Variants in CDK19 observed in about 807,000 individuals in gnomAD.
CDK19 encodes cyclin-dependent kinase 19.
In CDK19, 20 loss-of-function variants were observed where a neutral mutation model predicts 68.3. The observed-to-expected ratio is 0.29, with a 90% CI of 0.21 to 0.43. CDK19 has a LOEUF of 0.43. Among genes scored for constraint, CDK19 ranks in the 20% least tolerant of loss-of-function variants. The pLI is 1.00. For missense variants in CDK19, 339 were observed against 623.5 expected (o/e 0.54, Z 4.86); for synonymous variants, 221 against 222.8 (o/e 0.99, Z 0.07).
chr6:110,652,604 CT>C (rs1468521385), intron 4 of CDK19, among the ~76,000 whole-genome samples: 1 of 152,032 alleles, frequency 6.6e-6, no homozygotes, highest in Non-Finnish European at 1.5e-5. Context: ...GCAAAAATTG[CT>C]TCATGTAAGA....
At chr6:110,651,367 A>G (rs1261888635) in intron 4 of CDK19, among the ~76,000 whole-genome samples, 1 of 152,172 alleles carries the variant, frequency 6.6e-6, no homozygotes, top group East Asian at 1.9e-4. Flanking sequence ...AGTACACTAA[A>G]TATTTCTCTA....
intron 1 of CDK19, among the ~76,000 whole-genome samples, chr6:110,775,143 G>A (rs968739836): frequency 2.0e-5 from 3 of 152,070 alleles, no homozygotes; most frequent in African/African-American, 4.8e-5. Context: ...TACTCGGGAG[G>A]CTGAGGCAGG....
At position 110,649,675 on chromosome 6, in the gene CDK19, T is replaced by TG. The variant is rs1780846509; in HGVS notation, c.457-10970dup. On this transcript the variant is annotated intron_variant, in intron 4 of 12. Transcript: ENST00000368911. ...TATGAAAAACAACAAAATAGAAAAA[T>TG]GGGCAAAATGTCTGAACGGGCATTT... Among the ~76,000 whole-genome samples the TG allele has an allele frequency of 2.6e-5, 4 of 151,826 alleles. No individual in the cohort carries two copies. In the South Asian group the frequency reaches 8.3e-4, roughly 31 times the overall value.
At chr6:110,717,306 T>G (rs907000747) in intron 2 of CDK19, among the ~76,000 whole-genome samples, 1 of 152,070 alleles carries the variant, frequency 6.6e-6, no homozygotes, top group Non-Finnish European at 1.5e-5. Context: ...TATATTTTGA[T>G]ATATATATCT....
At chr6:110,716,414 A>G (rs1775400733) in intron 2 of CDK19, among the ~76,000 whole-genome samples, 1 of 152,232 alleles carries the variant, frequency 6.6e-6, no homozygotes, top group Admixed American at 6.5e-5. Context: ...CTTTAATTGA[A>G]AAATTGTAAC....
chr6:110,719,505 C>CA (rs2114732189), intron 2 of CDK19, among the ~76,000 whole-genome samples: 1 of 152,196 alleles, frequency 6.6e-6, no homozygotes, highest in East Asian at 1.9e-4. Context: ...GCCTGGGTGA[C>CA]AGGGTGAGAC....
Position 110,614,351 on chromosome 6 carries a change from A to G in CDK19, c.*184T>C. The G allele has an allele frequency of 2.1e-6, 1 of 469,506 alleles. No homozygotes were observed. The highest frequency in any genetic ancestry group is 3.7e-6 in the Non-Finnish European group (1 of 268,250). 29.1% of individuals were successfully genotyped at this position (469,506 alleles called of 1,614,324 possible). A position where few individuals can be genotyped will look rare whatever the true frequency, so the allele number is the denominator to read the frequency against. The stretch of plus-strand genomic sequence containing the variant: ...GGGGTGCTGGGGAAACTTCACAAGA[A>G]TCTTCTTTAAGTCAATAAAGAAGAG... On this transcript the variant is annotated 3_prime_UTR_variant, in exon 13 of 13. Transcript: ENST00000368911.
At chr6:110,774,176 G>T (rs187732919) in intron 1 of CDK19, among the ~76,000 whole-genome samples, 1 of 152,068 alleles carries the variant, frequency 6.6e-6, no homozygotes, top group East Asian at 1.9e-4. Flanking sequence ...ATATTCTTAC[G>T]AAAAGAACCA....
At chr6:110,626,561 T>C (rs976921344) in intron 8 of CDK19, among the ~76,000 whole-genome samples, 3 of 152,192 alleles carry the variant, frequency 2.0e-5, no homozygotes, top group African/African-American at 7.2e-5. Context: ...CTGCCCCTTT[T>C]TGCCCTTCTA....
chr6:110,808,830 G>A (rs904530141), intron 1 of CDK19, among the ~76,000 whole-genome samples: 2 of 152,110 alleles, frequency 1.3e-5, no homozygotes, highest in African/African-American at 2.4e-5. Flanking sequence ...TACTAGTCTA[G>A]CAATTCTAAA....
chr6:110,759,077 C>T (rs764861985), intron 1 of CDK19, among the ~76,000 whole-genome samples: 3 of 151,810 alleles, frequency 2.0e-5, no homozygotes, highest in South Asian at 2.1e-4. Flanking sequence ...GCCTGGTCAA[C>T]GTAGCAAGAC....
chr6:110,777,558 G>A (rs1302174769), intron 1 of CDK19, among the ~76,000 whole-genome samples: 2 of 152,222 alleles, frequency 1.3e-5, no homozygotes. Context: ...ATAAAATGGT[G>A]CAGTTGCTAT....
chr6:110,719,471 C>T (rs1562229797), intron 2 of CDK19, among the ~76,000 whole-genome samples: 1 of 152,042 alleles, frequency 6.6e-6, no homozygotes, highest in African/African-American at 2.4e-5. Context: ...CTGCAGTAAG[C>T]CATGATCTTA....
chr6:110,666,602 T>A (rs1781959280), intron 4 of CDK19, among the ~76,000 whole-genome samples: 1 of 152,110 alleles, frequency 6.6e-6, no homozygotes, highest in South Asian at 2.1e-4. Flanking sequence ...ACTAACTAGA[T>A]CCTTTCGTCA....
At chr6:110,689,318 C>T (rs1357440932) in intron 2 of CDK19, among the ~76,000 whole-genome samples, 1 of 152,160 alleles carries the variant, frequency 6.6e-6, no homozygotes, top group Non-Finnish European at 1.5e-5. Context: ...CCCCTCCACC[C>T]ACCCTGGTAG....
intron 4 of CDK19, among the ~76,000 whole-genome samples, chr6:110,649,995 A>G (rs1375705326): frequency 6.6e-6 from 1 of 152,230 alleles, no homozygotes; most frequent in Non-Finnish European, 1.5e-5. Context: ...ATGCCAGATT[A>G]CAATTTTTTA....
intron 1 of CDK19, among the ~76,000 whole-genome samples, chr6:110,747,506 T>C (rs923019591): frequency 4.6e-5 from 7 of 152,168 alleles, no homozygotes; most frequent in African/African-American, 1.4e-4. Context: ...ATTTACCATA[T>C]ACTACTGAGA....
chr6:110,734,631 A>C (rs1777093732), intron 2 of CDK19, among the ~76,000 whole-genome samples: 1 of 143,676 alleles, frequency 7.0e-6, no homozygotes, highest in South Asian at 2.2e-4. Flanking sequence ...CCACCTGGCT[A>C]GCCCCTATTA....
intron 2 of CDK19, among the ~76,000 whole-genome samples, chr6:110,685,119 C>T (rs1772357597): frequency 6.6e-6 from 1 of 152,102 alleles, no homozygotes; most frequent in Admixed American, 6.6e-5. Flanking sequence ...GCCTGGGCGA[C>T]ACAGCGAAAC....
Sources: gnomAD v4.1 joint callset for allele counts (sites outside exome capture counted in the v4.1 genomes callset) on GRCh38, gnomAD v4.1.1 for gene constraint, MANE v1.5 for transcripts, NCBI Gene and HGNC (gene_info 2026-07-23, HGNC 2026-07-21) for gene names.